MGRN1: variants seen among roughly 807,000 people sequenced by gnomAD.
MGRN1 encodes the protein E3 ubiquitin-protein ligase MGRN1.
MGRN1 carries 29 observed loss-of-function variants against 69.2 expected under a neutral mutation model. That is an observed-to-expected ratio of 0.42 (90% CI 0.31 to 0.57). The LOEUF is 0.57. Ranked by LOEUF, MGRN1 falls within the 20% of genes least tolerant of loss-of-function variation. MGRN1 has a pLI of 0.15. For missense variants in MGRN1, 998 were observed against 796.2 expected (o/e 1.25, Z -3.05); for synonymous variants, 470 against 344.2 (o/e 1.37, Z -4.04).
intron 8 of MGRN1, 34 bp downstream of exon 8, chr16:4,668,346 T>C (rs2078852033): frequency 6.2e-7 from 1 of 1,609,394 alleles, no homozygotes; most frequent in Non-Finnish European, 8.5e-7. Flanking sequence ...CGTGCTTGAA[T>C]TAAAAGACAC....
chr16:4,649,227 A>T (rs1371001932), intron 1 of MGRN1: 2 of 152,310 alleles, frequency 1.3e-5, no homozygotes, highest in East Asian at 3.9e-4. Flanking sequence ...GGGTGCTGCC[A>T]TGGAAAGTAC....
Position 4,681,720 on chromosome 16 carries a change from C to A in MGRN1, c.1302C>A (p.Asp434Glu). 6.2e-7 allele frequency: 1 copy of A among 1,613,166 alleles called. No homozygotes were observed. The highest frequency in any genetic ancestry group is 1.1e-5 in the South Asian group (1 of 91,088). Residue 434 changes from aspartate to glutamate, a missense_variant, in exon 13 of 17, where the codon GAC becomes GAA. Asp to Glu is a conservative substitution (Grantham distance 45). Transcript: ENST00000262370. ...SQASCPLAAIDHILDSSRQKG... is the reference protein window; with the variant it reads ...SQASCPLAAIEHILDSSRQKG... ...CCAGCTGTCCCCTCGCGGCTATCGA[C>A]CACATCCTGGACAGCAGCCGCCAGA...
chr16:4,686,024 G>A (rs1367316963), intron 16 of MGRN1, among the ~76,000 whole-genome samples: 1 of 152,130 alleles, frequency 6.6e-6, no homozygotes, highest in African/African-American at 2.4e-5. Context: ...CCTAGGCTGC[G>A]GCAGCGGGAG....
At chr16:4,668,176 GGGCAGGGTGGCCAACCCA>G (rs1319726301) in intron 7 of MGRN1, 71 bp from the exon 8 acceptor site, 1 of 1,054,586 alleles carries the variant, frequency 9.5e-7, no homozygotes, top group Non-Finnish European at 1.4e-6. Context: ...GGATTGGCTG[GGGCAGGGTGGCCAACCCA>G]GGCGGCCACG....
chr16:4,678,885 ACCTGGGC>A (rs942726524), intron 11 of MGRN1, among the ~76,000 whole-genome samples: 47 of 152,350 alleles, frequency 3.1e-4, no homozygotes, highest in African/African-American at 1.1e-3. Context: ...CAGGGCCTTG[ACCTGGGC>A]CCTATGGGCC....
chr16:4,642,788 AT>A (rs79535290), intron 1 of MGRN1, among the ~76,000 whole-genome samples: 5,565 of 140,056 alleles, frequency 0.04, 237 homozygotes, highest in African/African-American at 0.12. Flanking sequence ...TAACGCTTGA[AT>A]TTTTTTTTTT....
intron 5 of MGRN1, among the ~76,000 whole-genome samples, chr16:4,661,521 A>G (rs953357799): frequency 3.3e-5 from 5 of 152,186 alleles, no homozygotes; most frequent in Admixed American, 6.5e-5. Flanking sequence ...CATTTTGCCA[A>G]ATGGGGAAAC....
At chr16:4,652,254 G>T (rs922216466) in intron 3 of MGRN1, among the ~76,000 whole-genome samples, 4 of 152,164 alleles carry the variant, frequency 2.6e-5, no homozygotes, top group African/African-American at 9.7e-5. Context: ...CTTCTCAGCT[G>T]TGCCGCACAG....
chr16:4,682,513 T>C (rs1039829392), intron 13 of MGRN1, among the ~76,000 whole-genome samples: 13 of 152,228 alleles, frequency 8.5e-5, no homozygotes, highest in African/African-American at 2.7e-4. Context: ...CGGGGGCCTC[T>C]GTCTCCTGCT....
Position 4,689,172 on chromosome 16 carries a change from G to A in MGRN1, c.*264G>A, listed in dbSNP as rs781088626. On this transcript the variant is annotated 3_prime_UTR_variant, in exon 17 of 17. Coordinates refer to ENST00000262370, the MANE Select transcript of MGRN1 (RefSeq NM_015246.4). Reference sequence around the variant, plus strand: ...TAGTTCAGAGCCCCCGTTCCCCAGGGTCCTGTGGGCTGAGCGGCTGGGGCT... The same window carrying A: ...TAGTTCAGAGCCCCCGTTCCCCAGGATCCTGTGGGCTGAGCGGCTGGGGCT... The A allele has an allele frequency of 4.7e-4, 215 of 457,754 alleles. No homozygotes were observed. Among genetic ancestry groups the A allele is most frequent in the Non-Finnish European group, 7.5e-4 (201 of 269,752 alleles). 28.4% of individuals were successfully genotyped at this position (457,754 alleles called of 1,614,324 possible).
chr16:4,657,224 G>T (rs1042226320), intron 4 of MGRN1, 22 bp from the exon 5 acceptor site: 6 of 1,608,204 alleles, frequency 3.7e-6, no homozygotes, highest in Non-Finnish European at 4.3e-6. Context: ...CAGCCTCACT[G>T]CTTGCTCCTG....
At chr16:4,652,294 G>T (rs2078426466) in intron 3 of MGRN1, among the ~76,000 whole-genome samples, 1 of 152,170 alleles carries the variant, frequency 6.6e-6, no homozygotes, top group Admixed American at 6.5e-5. Context: ...GAGGCAGCCA[G>T]GTGGGGTGCT....
At chr16:4,654,562 G>C (rs1843816005) in intron 4 of MGRN1, among the ~76,000 whole-genome samples, 1 of 152,228 alleles carries the variant, frequency 6.6e-6, no homozygotes, top group Non-Finnish European at 1.5e-5. Flanking sequence ...ACCGCTCAGT[G>C]GTCAGCTTTG....
At chr16:4,669,041 C>G (rs1184163748) in intron 8 of MGRN1, 2 of 152,278 alleles carry the variant, frequency 1.3e-5, no homozygotes, top group Admixed American at 6.5e-5. Flanking sequence ...TACAGACACA[C>G]ATATACTCAC....
chr16:4,628,960 C>A (rs1217771419), intron 1 of MGRN1, among the ~76,000 whole-genome samples: 5 of 152,122 alleles, frequency 3.3e-5, no homozygotes, highest in African/African-American at 1.2e-4. Flanking sequence ...CCTCAGCCTC[C>A]CAAGTAGCTG....
chr16:4,686,996 C>T (rs937144644), intron 16 of MGRN1: 2 of 985,634 alleles, frequency 2.0e-6, no homozygotes, highest in African/African-American at 1.7e-5. Flanking sequence ...GGCGTCCGCT[C>T]ACACAGCCAC....
intron 1 of MGRN1, among the ~76,000 whole-genome samples, chr16:4,645,211 A>C (rs1302764074): frequency 3.3e-5 from 5 of 151,758 alleles, no homozygotes; most frequent in Non-Finnish European, 5.9e-5. Context: ...CCCAGGCTGG[A>C]GTGCAGTGTG....
At chr16:4,664,578 G>A (rs2078755649) in intron 5 of MGRN1, 131 bp from the exon 6 acceptor site, 6 of 869,608 alleles carry the variant, frequency 6.9e-6, no homozygotes, top group South Asian at 4.5e-5. Context: ...CTGCCATCTC[G>A]AGGCGTGTCC....
intron 5 of MGRN1, among the ~76,000 whole-genome samples, chr16:4,660,641 C>A (rs529346796): frequency 6.6e-5 from 10 of 152,354 alleles, no homozygotes; most frequent in African/African-American, 2.4e-4. Context: ...AGCTCTGCCT[C>A]CCCCGTTTGG....
Sources: gnomAD v4.1 joint callset for allele counts (sites outside exome capture counted in the v4.1 genomes callset) on GRCh38, gnomAD v4.1.1 for gene constraint, MANE v1.5 for transcripts, NCBI Gene and HGNC (gene_info 2026-07-23, HGNC 2026-07-21) for gene names.